FRA10AC1: variants seen among roughly 807,000 people sequenced by gnomAD.
FRA10AC1 encodes protein FRA10AC1.
In FRA10AC1, 43 loss-of-function variants were observed where a neutral mutation model predicts 56.5. That is an observed-to-expected ratio of 0.76 (90% CI 0.60 to 0.98). The LOEUF (loss-of-function observed/expected upper bound fraction) is 0.98, where lower values mean the gene tolerates loss of function less well. Ranked by LOEUF, FRA10AC1 falls within the 50% of genes least tolerant of loss-of-function variation. FRA10AC1 has a pLI of 0.00. For synonymous variants in FRA10AC1, 112 were observed against 110.5 expected (o/e 1.01, Z -0.09); for missense variants, 346 against 351.8 (o/e 0.98, Z 0.13).
At chr10:93,680,020 G>A (rs925420065) in intron 11 of FRA10AC1, among the ~76,000 whole-genome samples, 1 of 152,120 alleles carries the variant, frequency 6.6e-6, no homozygotes, top group Non-Finnish European at 1.5e-5. Flanking sequence ...ATGTCTATAA[G>A]GAAGATCATG....
intron 8 of FRA10AC1, among the ~76,000 whole-genome samples, chr10:93,686,865 C>T (rs1293110813): frequency 6.6e-6 from 1 of 151,728 alleles, no homozygotes; most frequent in Non-Finnish European, 1.5e-5. Flanking sequence ...AATAGATTTA[C>T]AATAATGCAT....
At chr10:93,693,559 T>TATATAC (rs2059171799) in intron 5 of FRA10AC1, among the ~76,000 whole-genome samples, 7 of 136,192 alleles carry the variant, frequency 5.1e-5, no homozygotes, top group Admixed American at 1.5e-4. Flanking sequence ...CACACATACA[T>TATATAC]ACACCATATA....
chr10:93,671,912 ATCAG>A (rs1003536185), intron 12 of FRA10AC1: 12 of 372,376 alleles, frequency 3.2e-5, no homozygotes, highest in Non-Finnish European at 5.2e-5. Flanking sequence ...TACCTTCAAA[ATCAG>A]TAAAAACAAT....
At chr10:93,685,512 T>A (rs149277158) in intron 8 of FRA10AC1, 153 bp from the exon 9 acceptor site, 1 of 484,358 alleles carries the variant, frequency 2.1e-6, no homozygotes, top group African/African-American at 2.0e-5. Context: ...AACCAACTTG[T>A]ATACAAGTAT....
chr10:93,693,343 GA>G (rs111472468), intron 5 of FRA10AC1, among the ~76,000 whole-genome samples: 20 of 142,774 alleles, frequency 1.4e-4, no homozygotes, highest in African/African-American at 3.3e-4. Context: ...TTGTTAGAGG[GA>G]AAAAAAAAAC....
At position 93,669,788 on chromosome 10, in the gene FRA10AC1, A is replaced by G. The variant is rs371405598; in HGVS notation, c.*38T>C. ...TTGCATGAAGTTTAAAACTTCATGAAGTTTCACATTAAGGAGCGGAGGCTT... is the reference window on the plus strand; with the variant it reads ...TTGCATGAAGTTTAAAACTTCATGAGGTTTCACATTAAGGAGCGGAGGCTT... On this transcript the variant is annotated 3_prime_UTR_variant, in exon 14 of 14. Coordinates refer to ENST00000359204, the MANE Select transcript of FRA10AC1 (RefSeq NM_145246.5). 1 of 1,382,328 alleles carries G rather than the reference A, an allele frequency of 7.2e-7. No homozygotes were observed. The highest frequency in any genetic ancestry group is 1.0e-6 in the Non-Finnish European group (1 of 991,924). The allele number at this position is 1,382,328 out of a possible 1,614,324, so 85.6% of individuals were successfully genotyped here.
chr10:93,698,490 G>GT (rs1168152386), intron 2 of FRA10AC1, 94 bp from the exon 3 acceptor site: 3 of 680,212 alleles, frequency 4.4e-6, no homozygotes, highest in East Asian at 2.8e-5. Context: ...TTTAAAGAAT[G>GT]TAAGTCTTAA....
chr10:93,694,505 C>G (rs970574885), intron 5 of FRA10AC1, among the ~76,000 whole-genome samples: 1 of 151,720 alleles, frequency 6.6e-6, no homozygotes, highest in Non-Finnish European at 1.5e-5. Flanking sequence ...CACAAGGTCA[C>G]GAGTTCAAGA....
chr10:93,686,640 A>G (rs933657298), intron 8 of FRA10AC1, among the ~76,000 whole-genome samples: 1 of 121,890 alleles, frequency 8.2e-6, no homozygotes, highest in African/African-American at 2.8e-5. Flanking sequence ...AACTTATGGA[A>G]GATATATATG....
chr10:93,700,040 T>C lies in FRA10AC1; in HGVS notation c.67A>G (p.Arg23Gly). 6.3e-7 allele frequency: 1 copy of C among 1,575,666 alleles called. No individual in the cohort carries two copies. The highest frequency in any genetic ancestry group is 8.7e-7 in the Non-Finnish European group (1 of 1,149,670). ...DDERCGESSK[R>G]KKRTVEDDLL... ...AAAAAAATTACTTACCTTTTTTTCC[T>C]TTTGCTGGATTCTCCACAGCGTTCA... is the stretch of plus-strand genomic sequence containing the variant. The change falls in exon 2 of 14, where the codon AGG becomes GGG. Residue 23 changes from arginine (R) to glycine (G), a missense_variant. Physicochemically the swap from Arg to Gly is moderately radical, Grantham distance 125. Transcript: ENST00000359204.
chr10:93,688,607 G>C (rs916965862), intron 7 of FRA10AC1, among the ~76,000 whole-genome samples: 1 of 152,080 alleles, frequency 6.6e-6, no homozygotes, highest in African/African-American at 2.4e-5. Flanking sequence ...ATGAGAGCAG[G>C]GGGTATATGG....
intron 10 of FRA10AC1, among the ~76,000 whole-genome samples, chr10:93,683,754 G>C (rs1252653815): frequency 6.6e-6 from 1 of 152,186 alleles, no homozygotes. Context: ...ACTGCTTTAT[G>C]AAGTCTGCTT....
rs1486219295 is a variant in FRA10AC1, at chr10:93,694,792, C to CT, written c.296+68_296+69insA. 5 of 693,720 alleles carry CT rather than the reference C, an allele frequency of 7.2e-6. No individual in the cohort carries two copies. The East Asian group carries it at 1.7e-4, about 24-fold the overall frequency. The allele number at this position is 693,720 out of a possible 1,614,324, so 43.0% of individuals were successfully genotyped here. ...GGAAGAATGACAGAATCAGAAGGCA[C>CT]AGTAGCTGTGGGTCTTTAAAGTTTC... is the stretch of plus-strand genomic sequence containing the variant. On this transcript the variant is annotated intron_variant, in intron 5 of 13. Transcript: ENST00000359204.
At chr10:93,676,002 T>C (rs2058834045) in intron 12 of FRA10AC1, among the ~76,000 whole-genome samples, 2 of 152,334 alleles carry the variant, frequency 1.3e-5, no homozygotes, top group South Asian at 2.1e-4. Flanking sequence ...TATTATCTTA[T>C]GGGTACAATT....
At chr10:93,687,349 G>A in intron 8 of FRA10AC1, 55 bp downstream of exon 8, 1 of 1,304,752 alleles carries the variant, frequency 7.7e-7, no homozygotes, top group Admixed American at 2.8e-5. Flanking sequence ...CTCCAATTCA[G>A]TAACTTAACA....
Position 93,681,581 on chromosome 10 carries a change from G to A in FRA10AC1, c.686C>T (p.Ser229Leu). 6.6e-7 allele frequency: 1 copy of A among 1,512,600 alleles called. No individual in the cohort carries two copies. Among genetic ancestry groups the A allele is most frequent in the Non-Finnish European group, 8.9e-7 (1 of 1,127,234 alleles). The allele number at this position is 1,512,600 out of a possible 1,614,324, so 93.7% of individuals were successfully genotyped here. A position where few individuals can be genotyped will look rare whatever the true frequency, so the allele number is the denominator to read the frequency against. Residue 229 changes from serine to leucine, a missense_variant, in exon 11 of 14, where the codon TCA (serine) becomes TTA (leucine). Ser to Leu is a moderately radical substitution (Grantham distance 145). Coordinates refer to ENST00000359204, the MANE Select transcript of FRA10AC1 (RefSeq NM_145246.5). ...NFHHRRKEIK[S>L]KKRKDKTKKD... ...TTTGGTTTTATCTTTTCTTTTTTTT[G>A]ACTTGATTTCTTTTCTCCTTTGTGT...
chr10:93,682,260 C>A (rs1218921203), intron 10 of FRA10AC1, among the ~76,000 whole-genome samples: 1 of 152,116 alleles, frequency 6.6e-6, no homozygotes, highest in African/African-American at 2.4e-5. Flanking sequence ...GAAATTGGGA[C>A]TGGCAAGGAG....
intron 7 of FRA10AC1, among the ~76,000 whole-genome samples, chr10:93,688,541 G>A (rs1165552477): frequency 1.3e-5 from 2 of 152,150 alleles, no homozygotes; most frequent in African/African-American, 4.8e-5. Context: ...TTCACTGATT[G>A]TAACAAATGT....
intron 4 of FRA10AC1, among the ~76,000 whole-genome samples, chr10:93,696,976 G>A (rs2059243983): frequency 6.6e-6 from 1 of 152,036 alleles, no homozygotes; most frequent in South Asian, 2.1e-4. Context: ...GAGGGTGATG[G>A]GTTGATAGGT....
Sources: gnomAD v4.1 joint callset for allele counts (sites outside exome capture counted in the v4.1 genomes callset) on GRCh38, gnomAD v4.1.1 for gene constraint, MANE v1.5 for transcripts, NCBI Gene and HGNC (gene_info 2026-07-23, HGNC 2026-07-21) for gene names.